The following EVA1C variants were observed in gnomAD, a reference collection of about 807,000 sequenced individuals.
EVA1C encodes the protein eva-1 homolog C.
A neutral mutation model predicts 45.4 loss-of-function variants in EVA1C; 25 were observed. The ratio of observed to expected loss-of-function variants is 0.55; its 90% CI spans 0.40 to 0.77. The LOEUF (loss-of-function observed/expected upper bound fraction) is 0.77, where lower values mean the gene tolerates loss of function less well. Ranked by LOEUF, EVA1C falls within the 30% of genes least tolerant of loss-of-function variation. The pLI is 0.00. For missense variants in EVA1C, 479 were observed against 554.8 expected (o/e 0.86, Z 1.37); for synonymous variants, 190 against 221.2 (o/e 0.86, Z 1.25).
chr21:32,490,820 T>C (rs1417491939), intron 4 of EVA1C, among the ~76,000 whole-genome samples: 1 of 152,226 alleles, frequency 6.6e-6, no homozygotes, highest in Non-Finnish European at 1.5e-5. Flanking sequence ...CTTCAAGACT[T>C]TCTTCCCGTG....
chr21:32,500,853 T>C (rs549887205), intron 5 of EVA1C, among the ~76,000 whole-genome samples: 42 of 151,972 alleles, frequency 2.8e-4, no homozygotes, highest in African/African-American at 1.0e-3. Context: ...ACTCTTTCAC[T>C]CAGGCTGGAA....
rs143887618 is a variant in EVA1C at position 32,505,519 on chromosome 21, G to C, written c.949+1504G>C. Among the ~76,000 whole-genome samples, 256 of 152,332 alleles carry C rather than the reference G, an allele frequency of 1.7e-3. 2 individuals carry two copies. The highest frequency in any genetic ancestry group is 5.9e-3 in the African/African-American group (244 of 41,574). On this transcript the variant is annotated intron_variant, in intron 7 of 7. Transcript: ENST00000300255. ...GCGCTCAGTGAGCTGTGGCCTTGCTGTGTGCTTTACCCCAACTACCTTGTC... is the reference window on the plus strand; with the variant it reads ...GCGCTCAGTGAGCTGTGGCCTTGCTCTGTGCTTTACCCCAACTACCTTGTC...
intron 5 of EVA1C, among the ~76,000 whole-genome samples, chr21:32,496,553 GC>G (rs2037358428): frequency 6.6e-6 from 1 of 152,194 alleles, no homozygotes; most frequent in African/African-American, 2.4e-5. Flanking sequence ...ACTCTAAGTA[GC>G]ATGGGGCCCA....
At chr21:32,440,142 G>A (rs1381758301) in intron 1 of EVA1C, among the ~76,000 whole-genome samples, 2 of 152,040 alleles carry the variant, frequency 1.3e-5, no homozygotes, top group Non-Finnish European at 2.9e-5. Flanking sequence ...GCCTTTTGTT[G>A]TATGTGAGGG....
intron 1 of EVA1C, among the ~76,000 whole-genome samples, chr21:32,413,338 C>G (rs1391445353): frequency 6.6e-6 from 1 of 152,216 alleles, no homozygotes; most frequent in Non-Finnish European, 1.5e-5. Flanking sequence ...AGCCCTGTGC[C>G]GCGCCCAGCG....
chr21:32,494,669 G>C (rs925694042), intron 4 of EVA1C, among the ~76,000 whole-genome samples: 1 of 152,050 alleles, frequency 6.6e-6, no homozygotes, highest in African/African-American at 2.4e-5. Context: ...TGTAGTCCCA[G>C]CTACTGGGGA....
intron 4 of EVA1C, among the ~76,000 whole-genome samples, chr21:32,472,915 T>A (rs1322065752): frequency 6.6e-6 from 1 of 152,216 alleles, no homozygotes. Context: ...GCCCTTGGTG[T>A]ACGTGCAAGG....
chr21:32,426,690 A>T (rs1156820878), intron 1 of EVA1C, among the ~76,000 whole-genome samples: 1 of 152,120 alleles, frequency 6.6e-6, no homozygotes, highest in African/African-American at 2.4e-5. Flanking sequence ...GGAGGAGTCG[A>T]CGGACTCCTC....
chr21:32,479,860 C>A (rs1451063145), intron 4 of EVA1C, among the ~76,000 whole-genome samples: 1 of 130,072 alleles, frequency 7.7e-6, no homozygotes, highest in Non-Finnish European at 1.7e-5. Context: ...TTTTTTTTTT[C>A]TTCTTCTGTT....
intron 3 of EVA1C, among the ~76,000 whole-genome samples, chr21:32,458,868 G>T (rs1317954416): frequency 1.3e-5 from 2 of 152,024 alleles, no homozygotes; most frequent in Non-Finnish European, 2.9e-5. Flanking sequence ...TCCCGCCCTG[G>T]TTCCCCGAGA....
chr21:32,509,914 C>T (rs2037890314), intron 7 of EVA1C, among the ~76,000 whole-genome samples: 1 of 151,044 alleles, frequency 6.6e-6, no homozygotes, highest in Non-Finnish European at 1.5e-5. Flanking sequence ...GAGCGGGGAG[C>T]AGAGAGGAAG....
chr21:32,481,149 A>G (rs1358775635), intron 4 of EVA1C, among the ~76,000 whole-genome samples: 2 of 152,094 alleles, frequency 1.3e-5, no homozygotes, highest in Non-Finnish European at 2.9e-5. Flanking sequence ...TAAAATGTGA[A>G]CATGTATTTA....
intron 5 of EVA1C, chr21:32,497,132 G>T: frequency 2.5e-6 from 2 of 815,418 alleles, no homozygotes; most frequent in East Asian, 4.9e-5. Context: ...TCCAGATCAT[G>T]AAATCAAACA....
Position 32,460,208 on chromosome 21 carries a change from G to A in EVA1C, c.481+2488G>A, listed in dbSNP as rs192909873. 9.2e-5 allele frequency among the ~76,000 whole-genome samples: 14 copies of A among 152,192 alleles called. No individual in the cohort carries two copies. In the East Asian group the frequency reaches 2.7e-3, roughly 29 times the overall value. On this transcript the variant is annotated intron_variant, in intron 3 of 7. Transcript: ENST00000300255. Reference sequence around the variant, plus strand: ...GTGGGTGGTGTCCACACCCCCTCCAGGGTATTTCTCAACCTTCCTTCACCC... The same window carrying A: ...GTGGGTGGTGTCCACACCCCCTCCAAGGTATTTCTCAACCTTCCTTCACCC...
chr21:32,502,588 T>C (rs1431988944), intron 6 of EVA1C, among the ~76,000 whole-genome samples: 1 of 152,116 alleles, frequency 6.6e-6, no homozygotes, highest in East Asian at 1.9e-4. Context: ...TTGTGTTACC[T>C]TTATTATATG....
intron 4 of EVA1C, among the ~76,000 whole-genome samples, chr21:32,476,101 T>C (rs1415247930): frequency 6.6e-6 from 1 of 152,190 alleles, no homozygotes; most frequent in Non-Finnish European, 1.5e-5. Context: ...TTTGTGGTTA[T>C]TGTATTTGCA....
At chr21:32,480,348 G>GACA (rs1410734796) in intron 4 of EVA1C, among the ~76,000 whole-genome samples, 1 of 137,104 alleles carries the variant, frequency 7.3e-6, no homozygotes, top group Admixed American at 7.5e-5. Context: ...TAAAATGAAA[G>GACA]ACAATACAAC....
intron 1 of EVA1C, among the ~76,000 whole-genome samples, chr21:32,420,022 C>G (rs879795683): frequency 6.6e-6 from 1 of 152,178 alleles, no homozygotes; most frequent in Non-Finnish European, 1.5e-5. Flanking sequence ...CCCCTTGCCC[C>G]TTGGGGTATC....
At chr21:32,473,811 C>G (rs1209388421) in intron 4 of EVA1C, 13 of 553,196 alleles carry the variant, frequency 2.3e-5, no homozygotes, top group Non-Finnish European at 3.0e-5. Context: ...AGAAAATGCC[C>G]TTAGCACTGT....
Sources: gnomAD v4.1 joint callset for allele counts (sites outside exome capture counted in the v4.1 genomes callset) on GRCh38, gnomAD v4.1.1 for gene constraint, MANE v1.5 for transcripts, NCBI Gene and HGNC (gene_info 2026-07-23, HGNC 2026-07-21) for gene names.